The following BCAT1 variants were observed in gnomAD, a reference collection of about 807,000 sequenced individuals.
BCAT1 encodes the protein branched-chain-amino-acid aminotransferase, cytosolic.
A neutral mutation model predicts 52.4 loss-of-function variants in BCAT1; 48 were observed. The observed-to-expected ratio is 0.92, with a 90% confidence interval of 0.73 to 1.16. The LOEUF (loss-of-function observed/expected upper bound fraction) is 1.16. Among genes scored for constraint, BCAT1 ranks in the 50% most tolerant of loss-of-function variants. The pLI is 0.00. For missense variants in BCAT1, 451 were observed against 457.1 expected (o/e 0.99, Z 0.12); for synonymous variants, 167 against 161.3 (o/e 1.04, Z -0.27).
intron 6 of BCAT1, among the ~76,000 whole-genome samples, chr12:24,843,411 C>T (rs112661588): frequency 0.015 from 2,355 of 152,066 alleles, 63 homozygotes; most frequent in African/African-American, 0.054. Flanking sequence ...GAGACCAGCC[C>T]GGCCAACATG....
At chr12:24,915,553 T>C (rs1426443655) in intron 1 of BCAT1, among the ~76,000 whole-genome samples, 1 of 152,184 alleles carries the variant, frequency 6.6e-6, no homozygotes, top group Non-Finnish European at 1.5e-5. Context: ...GTCATGACTT[T>C]CAATTAAGTT....
chr12:24,893,060 TTG>T (rs1285068185), intron 3 of BCAT1, among the ~76,000 whole-genome samples: 1 of 152,194 alleles, frequency 6.6e-6, no homozygotes, highest in Non-Finnish European at 1.5e-5. Flanking sequence ...ATTTATAATT[TTG>T]AAGGAGTTAA....
chr12:24,849,991 T>C (rs200653574), intron 5 of BCAT1, 42 bp from the exon 6 acceptor site: 76 of 1,519,746 alleles, frequency 5.0e-5, no homozygotes, highest in Non-Finnish European at 6.5e-5. Flanking sequence ...ACTTAAAATG[T>C]GGACACCAGT....
rs1263195049 is a variant in BCAT1, at chr12:24,810,503, T to C, written c.*7505A>G. ...AACTGCTGTCTTATCTGATAAATTA[T>C]ATAAGCTCCAGTAAATGTATGTCAT... On this transcript the variant is annotated 3_prime_UTR_variant, in exon 11 of 11. Transcript: ENST00000261192. The C allele has an allele frequency of 6.6e-6, 1 of 152,244 alleles. No individual in the cohort carries two copies. Among genetic ancestry groups the C allele is most frequent in the African/African-American group, 2.4e-5 (1 of 41,464 alleles). The allele number at this position is 152,244 out of a possible 1,614,324, so 9.4% of individuals were successfully genotyped here. A position where few individuals can be genotyped will look rare whatever the true frequency, so the allele number is the denominator to read the frequency against.
At chr12:24,841,455 A>G (rs1388836238) in intron 7 of BCAT1, among the ~76,000 whole-genome samples, 1 of 152,204 alleles carries the variant, frequency 6.6e-6, no homozygotes, top group East Asian at 1.9e-4. Flanking sequence ...TCAGATAGGA[A>G]AATTGTTGGG....
intron 5 of BCAT1, among the ~76,000 whole-genome samples, chr12:24,864,022 T>C (rs1264246687): frequency 1.3e-5 from 2 of 152,218 alleles, no homozygotes; most frequent in African/African-American, 2.4e-5. Context: ...CTGTTTTTAT[T>C]GCTTTTATTG....
intron 8 of BCAT1, 126 bp from the exon 9 acceptor site, chr12:24,832,989 G>A (rs529247562): frequency 5.3e-4 from 561 of 1,060,606 alleles, no homozygotes; most frequent in South Asian, 1.4e-3. Context: ...TCCTTTAAGG[G>A]AAAGCTGGAA....
chr12:24,902,995 G>A (rs1000642664), intron 1 of BCAT1: 18 of 1,464,004 alleles, frequency 1.2e-5, no homozygotes, highest in Non-Finnish European at 1.4e-5. Flanking sequence ...CCATGGGGAG[G>A]CTGCGGGGAC....
intron 1 of BCAT1, among the ~76,000 whole-genome samples, chr12:24,924,956 T>C (rs1165067849): frequency 6.6e-6 from 1 of 152,204 alleles, no homozygotes; most frequent in African/African-American, 2.4e-5. Context: ...GGTGAATCCG[T>C]TGATAAATGA....
chr12:24,939,350 A>G (rs1943815831), intron 1 of BCAT1, among the ~76,000 whole-genome samples: 1 of 152,224 alleles, frequency 6.6e-6, no homozygotes, highest in African/African-American at 2.4e-5. Flanking sequence ...TTATTGTACT[A>G]TATAAATGGT....
chr12:24,899,529 C>G (rs1394733656), intron 2 of BCAT1, among the ~76,000 whole-genome samples: 1 of 151,836 alleles, frequency 6.6e-6, no homozygotes, highest in East Asian at 1.9e-4. Context: ...AATCCTACTA[C>G]TGGGTATTTT....
intron 1 of BCAT1, among the ~76,000 whole-genome samples, chr12:24,930,672 T>A (rs1943662681): frequency 1.3e-5 from 2 of 152,182 alleles, no homozygotes; most frequent in Admixed American, 1.3e-4. Context: ...AATGCCAAGC[T>A]CTCCTTGCTT....
chr12:24,901,724 C>G, intron 2 of BCAT1, 90 bp downstream of exon 2: 1 of 1,361,732 alleles, frequency 7.3e-7, no homozygotes, highest in Non-Finnish European at 1.0e-6. Flanking sequence ...GGGTAACCCA[C>G]ACAGTGAAAA....
At chr12:24,835,046 G>A (rs908559253) in intron 8 of BCAT1, among the ~76,000 whole-genome samples, 2 of 152,190 alleles carry the variant, frequency 1.3e-5, no homozygotes, top group South Asian at 2.1e-4. Flanking sequence ...AATCATTAGT[G>A]TGGGAAAGTA....
At chr12:24,881,442 G>GT (rs763333687) in intron 3 of BCAT1, 31 bp from the exon 4 acceptor site, 31 of 1,457,942 alleles carry the variant, frequency 2.1e-5, no homozygotes, top group Non-Finnish European at 2.8e-5. Context: ...ATCTTAGAGG[G>GT]TAACCAAAAG....
At chr12:24,911,357 T>C (rs1475220479) in intron 1 of BCAT1, among the ~76,000 whole-genome samples, 1 of 152,086 alleles carries the variant, frequency 6.6e-6, no homozygotes, top group East Asian at 1.9e-4. Context: ...CACAACCCTC[T>C]GGAAGAGAAT....
At chr12:24,920,492 T>C (rs1266644573) in intron 1 of BCAT1, among the ~76,000 whole-genome samples, 1 of 152,194 alleles carries the variant, frequency 6.6e-6, no homozygotes, top group Non-Finnish European at 1.5e-5. Context: ...TTTTGGAGTG[T>C]TTCTACCACT....
chr12:24,902,033 A>G, intron 1 of BCAT1, 148 bp from the exon 2 acceptor site: 2 of 1,560,162 alleles, frequency 1.3e-6, no homozygotes, highest in South Asian at 1.2e-5. Context: ...CCAAGCACCC[A>G]GGCCCGAACC....
intron 1 of BCAT1, among the ~76,000 whole-genome samples, chr12:24,922,805 G>A (rs891767004): frequency 6.6e-6 from 1 of 151,880 alleles, no homozygotes; most frequent in African/African-American, 2.4e-5. Context: ...AGGAGGCAGA[G>A]GCTGCAGTGA....
Sources: gnomAD v4.1 joint callset for allele counts (sites outside exome capture counted in the v4.1 genomes callset) on GRCh38, gnomAD v4.1.1 for gene constraint, MANE v1.5 for transcripts, NCBI Gene and HGNC (gene_info 2026-07-23, HGNC 2026-07-21) for gene names.